Variants in PECAM1 observed in about 807,000 individuals in gnomAD.
PECAM1 encodes platelet and endothelial cell adhesion molecule 1, also known as platelet endothelial cell adhesion molecule.
Under a neutral mutation model 13.8 loss-of-function variants are expected in PECAM1, and 8 were observed. The observed-to-expected ratio is 0.58, with a 90% CI of 0.34 to 1.05. The LOEUF is 1.05. Among genes scored for constraint, PECAM1 ranks in the 50% least tolerant of loss-of-function variants. The pLI is 0.03. For missense variants in PECAM1, 304 were observed against 141.2 expected (o/e 2.15, Z -5.84); for synonymous variants, 136 against 52.6 (o/e 2.58, Z -6.86).
At chr17:64,361,517 G>A (rs1017307758) in intron 6 of PECAM1, among the ~76,000 whole-genome samples, 118 of 151,998 alleles carry the variant, frequency 7.8e-4, no homozygotes, top group African/African-American at 2.7e-3. Context: ...ACTTTGGGAG[G>A]CCGAGGTGGG....
intron 14 of PECAM1, among the ~76,000 whole-genome samples, chr17:64,339,084 A>G (rs2035360978): frequency 1.3e-5 from 2 of 152,148 alleles, no homozygotes; most frequent in African/African-American, 2.4e-5. Context: ...CACCTATAAA[A>G]GGGCCTCCAA....
intron 4 of PECAM1, among the ~76,000 whole-genome samples, chr17:64,372,917 C>A (rs1320427081): frequency 1.3e-5 from 2 of 150,968 alleles, no homozygotes; most frequent in Non-Finnish European, 3.0e-5. Flanking sequence ...GGAGTCAAGA[C>A]CAGCCTGACC....
At chr17:64,346,492 C>A (rs897585603) in intron 13 of PECAM1, among the ~76,000 whole-genome samples, 1 of 152,078 alleles carries the variant, frequency 6.6e-6, no homozygotes, top group African/African-American at 2.4e-5. Flanking sequence ...TGCGCCACCA[C>A]GCCCAGCTAA....
At chr17:64,353,578 T>A in intron 9 of PECAM1, 60 bp from the exon 10 acceptor site, 1 of 451,612 alleles carries the variant, frequency 2.2e-6, no homozygotes, top group Non-Finnish European at 4.0e-6. Context: ...CATACCACTA[T>A]AATGGCCAAA....
rs554381936 is a variant in PECAM1 at position 64,322,201 on chromosome 17, C to T, written c.*1615G>A. ...AGGCATTCGAGATCAGCCTGGCCAACGTGGTGAAACCCCATCTCTACTAAA... is the reference window on the plus strand; with the variant it reads ...AGGCATTCGAGATCAGCCTGGCCAATGTGGTGAAACCCCATCTCTACTAAA... On this transcript the variant is annotated 3_prime_UTR_variant, in exon 16 of 16. Transcript: ENST00000563924. The T allele has an allele frequency of 1.8e-5, 9 of 494,244 alleles. No individual in the cohort carries two copies. The Admixed American group carries it at 2.4e-4, about 13-fold the overall frequency. The allele number at this position is 494,244 out of a possible 1,614,324, so 30.6% of individuals were successfully genotyped here. A position where few individuals can be genotyped will look rare whatever the true frequency, so the allele number is the denominator to read the frequency against.
Position 64,355,006 on chromosome 17 carries a change from T to G in PECAM1, c.1815A>C (p.Ala605=), listed in dbSNP as rs2035815853. Reference sequence around the variant, plus strand: ...CAATGATCACTCCGATGATAACCACTGCAATAAGTCCTTTCTTCCATGGGG... The same window carrying G: ...CAATGATCACTCCGATGATAACCACGGCAATAAGTCCTTTCTTCCATGGGG... ...ILAPWKKGLI[A]VVIIGVIIAL... is the part of the protein sequence containing the mutation. Residue 605 remains alanine, a synonymous_variant, in exon 9 of 16, where the codon GCA becomes GCC. Transcript: ENST00000563924. 1 of 475,224 alleles carries G rather than the reference T, an allele frequency of 2.1e-6. No individual in the cohort carries two copies. Among genetic ancestry groups the G allele is most frequent in the Non-Finnish European group, 3.9e-6 (1 of 259,044 alleles). 29.4% of individuals were successfully genotyped at this position (475,224 alleles called of 1,614,324 possible).
chr17:64,333,251 G>C (rs189860055), intron 14 of PECAM1, among the ~76,000 whole-genome samples: 5 of 152,180 alleles, frequency 3.3e-5, no homozygotes, highest in Non-Finnish European at 7.3e-5. Flanking sequence ...GGTAGGGCTG[G>C]TGCCCAGAGC....
chr17:64,343,155 G>T lies in PECAM1; in HGVS notation c.2108-1465C>A, dbSNP rs1170819928. Among the ~76,000 whole-genome samples, 444 of 152,200 alleles carry T rather than the reference G, an allele frequency of 2.9e-3. 2 individuals carry two copies. Among genetic ancestry groups the T allele is most frequent in the African/African-American group, 8.8e-3 (366 of 41,526 alleles). On this transcript the variant is annotated intron_variant, in intron 13 of 15. Coordinates refer to ENST00000563924, the MANE Select transcript of PECAM1 (RefSeq NM_000442.5). ...TAGGGTAAGGGGCTTCCTGTGCCAT[G>T]GTCAGTGCATTTCCCTCCTCGGAGT...
rs1185236563 is a variant in PECAM1 at position 64,360,218 on chromosome 17, C to T, written c.1414G>A (p.Val472Ile). ...TTATCTGCAACACACTGGTATTCGACGTCTTCAGTGGGGTTGTCTTTGAAT... is the reference window on the plus strand; with the variant it reads ...TTATCTGCAACACACTGGTATTCGATGTCTTCAGTGGGGTTGTCTTTGAAT... ...AVFKDNPTED[V>I]EYQCVADNCH... is the part of the protein sequence containing the mutation. Residue 472 changes from valine (V) to isoleucine (I), a missense_variant, in exon 7 of 16, where the codon GTC becomes ATC. By Grantham distance (29) the Val-to-Ile change is conservative (BLOSUM62 3). Transcript: ENST00000563924. 7 of 475,246 alleles carry T rather than the reference C, an allele frequency of 1.5e-5. No homozygotes were observed. The highest frequency in any genetic ancestry group is 6.3e-5 in the Admixed American group (2 of 31,732). 29.4% of individuals were successfully genotyped at this position (475,246 alleles called of 1,614,324 possible).
chr17:64,344,354 T>C (rs908367611), intron 13 of PECAM1, among the ~76,000 whole-genome samples: 1 of 152,086 alleles, frequency 6.6e-6, no homozygotes, highest in Non-Finnish European at 1.5e-5. Flanking sequence ...GGCAGGCTCT[T>C]TGTCTCTGCT....
rs2034835287 is a variant in PECAM1, at chr17:64,322,713, A to C, written c.*1103T>G. ...CAGGAGACCACTTCTTTAGCAAGCA[A>C]TTTTGTTTTTTGTTTTTTTTGAGAT... On this transcript the variant is annotated 3_prime_UTR_variant, in exon 16 of 16. Coordinates refer to ENST00000563924, the MANE Select transcript of PECAM1 (RefSeq NM_000442.5). The C allele has an allele frequency of 1.0e-6, 1 of 952,420 alleles. No homozygotes were observed. Among genetic ancestry groups the C allele is most frequent in the African/African-American group, 1.9e-5 (1 of 52,252 alleles). The allele number at this position is 952,420 out of a possible 1,614,324, so 59.0% of individuals were successfully genotyped here.
chr17:64,386,721 C>T (rs2036601417), intron 2 of PECAM1, among the ~76,000 whole-genome samples: 1 of 152,044 alleles, frequency 6.6e-6, no homozygotes, highest in Admixed American at 6.6e-5. Context: ...GGCTTCAGCC[C>T]AGGAGTTTGA....
chr17:64,375,577 C>G (rs1267105538), intron 3 of PECAM1, among the ~76,000 whole-genome samples: 1 of 151,970 alleles, frequency 6.6e-6, no homozygotes, highest in African/African-American at 2.4e-5. Context: ...TATATAAAAT[C>G]TGGAGGCTGA....
chr17:64,361,246 A>G lies in PECAM1; in HGVS notation c.1217-831T>C, dbSNP rs956200007. On this transcript the variant is annotated intron_variant, in intron 6 of 15. Coordinates refer to ENST00000563924, the MANE Select transcript of PECAM1 (RefSeq NM_000442.5). ...CCACAACCTCCACCTCCTGGGTCCA[A>G]GGGATTCTCCTGCCTCAGCCTCCCG... 6.7e-4 allele frequency among the ~76,000 whole-genome samples: 101 copies of G among 151,392 alleles called. 1 individual carries two copies. Among genetic ancestry groups the G allele is most frequent in the Middle Eastern group, 6.8e-3 (2 of 292 alleles).
chr17:64,357,197 C>T (rs1236327545), intron 7 of PECAM1, among the ~76,000 whole-genome samples: 11 of 152,074 alleles, frequency 7.2e-5, no homozygotes, highest in East Asian at 1.9e-4. Context: ...TTGTTTTCCC[C>T]GGAAGTATGA....
chr17:64,387,452 A>AT (rs2036620282), intron 2 of PECAM1, among the ~76,000 whole-genome samples: 1 of 152,046 alleles, frequency 6.6e-6, no homozygotes, highest in East Asian at 1.9e-4. Context: ...TCTGCTTGTG[A>AT]TTTTTCTTTT....
chr17:64,356,041 C>T (rs2035838850), intron 8 of PECAM1, 70 bp downstream of exon 8: 2 of 474,536 alleles, frequency 4.2e-6, no homozygotes, highest in Non-Finnish European at 7.7e-6. Context: ...CTCCCTCTTA[C>T]AAGGGGTGTG....
chr17:64,350,319 T>C (rs1414977635), intron 12 of PECAM1, 61 bp downstream of exon 12: 1 of 408,242 alleles, frequency 2.4e-6, no homozygotes, highest in Non-Finnish European at 4.5e-6. Flanking sequence ...TTTCTTTTCC[T>C]ATGAGTCTTT....
intron 14 of PECAM1, among the ~76,000 whole-genome samples, chr17:64,332,754 C>T (rs1230511230): frequency 6.6e-6 from 1 of 152,226 alleles, no homozygotes; most frequent in African/African-American, 2.4e-5. Flanking sequence ...CGGCTACTCT[C>T]GGCCCAGCTA....
Sources: allele counts gnomAD v4.1 joint callset (sites outside exome capture counted in the v4.1 genomes callset), GRCh38; gene constraint gnomAD v4.1.1; transcripts MANE v1.5; gene names NCBI Gene and HGNC (gene_info 2026-07-23, HGNC 2026-07-21).